The following SCARA5 variants were observed in gnomAD, a reference collection of about 807,000 sequenced individuals.
The protein encoded by SCARA5 is scavenger receptor class A, member 5 (putative).
A neutral mutation model predicts 46.3 loss-of-function variants in SCARA5; 45 were observed. That is an observed-to-expected ratio of 0.97 (90% CI 0.76 to 1.24). SCARA5 has a LOEUF of 1.24. Among genes scored for constraint, SCARA5 ranks in the 50% most tolerant of loss-of-function variants. SCARA5 has a pLI of 0.00. For synonymous variants in SCARA5, 333 were observed against 306.5 expected (o/e 1.09, Z -0.90); for missense variants, 680 against 689.0 (o/e 0.99, Z 0.15).
At chr8:27,936,990 T>G (rs1315219106) in intron 3 of SCARA5, among the ~76,000 whole-genome samples, 2 of 152,208 alleles carry the variant, frequency 1.3e-5, no homozygotes, top group African/African-American at 4.8e-5. Context: ...TATTCCCGGA[T>G]TCCCATTTTG....
intron 2 of SCARA5, among the ~76,000 whole-genome samples, chr8:27,981,613 C>T (rs1808616577): frequency 6.6e-6 from 1 of 152,216 alleles, no homozygotes; most frequent in Non-Finnish European, 1.5e-5. Context: ...GGTCTGAGTT[C>T]ACGCATGCAA....
chr8:27,912,058 G>A (rs926613380), intron 4 of SCARA5, among the ~76,000 whole-genome samples: 2 of 152,114 alleles, frequency 1.3e-5, no homozygotes, highest in Non-Finnish European at 2.9e-5. Context: ...CAGAGGGAAC[G>A]TGGCCCTGTG....
chr8:27,989,497 G>C (rs1034315690), intron 1 of SCARA5, among the ~76,000 whole-genome samples: 3 of 152,176 alleles, frequency 2.0e-5, no homozygotes, highest in African/African-American at 7.2e-5. Flanking sequence ...GAAGAGACCA[G>C]AACTGACCAG....
intron 3 of SCARA5, among the ~76,000 whole-genome samples, chr8:27,927,150 C>T (rs1456636445): frequency 1.3e-5 from 2 of 152,174 alleles, no homozygotes; most frequent in Non-Finnish European, 2.9e-5. Flanking sequence ...CTCCTAGCCC[C>T]TCCTTCCCTC....
chr8:27,930,873 G>A (rs996711050), intron 3 of SCARA5, among the ~76,000 whole-genome samples: 12 of 152,108 alleles, frequency 7.9e-5, no homozygotes, highest in East Asian at 5.8e-4. Context: ...CTAATGACAC[G>A]GAAAGAAGGA....
intron 7 of SCARA5, among the ~76,000 whole-genome samples, chr8:27,885,488 G>A (rs540267146): frequency 7.2e-5 from 11 of 152,236 alleles, no homozygotes; most frequent in South Asian, 2.1e-4. Flanking sequence ...TACAGGGCCC[G>A]GTGCACTGAG....
At chr8:27,988,605 A>G (rs1808740004) in intron 1 of SCARA5, among the ~76,000 whole-genome samples, 2 of 152,226 alleles carry the variant, frequency 1.3e-5, no homozygotes, top group Admixed American at 1.3e-4. Context: ...TGGGTTTTCT[A>G]TGATGCATTT....
rs891423960 is a variant in SCARA5, at chr8:27,885,874, T to C, written c.1154-6108A>G. Among the ~76,000 whole-genome samples the C allele has an allele frequency of 2.4e-4, 36 of 152,018 alleles. 1 individual carries two copies. The highest frequency in any genetic ancestry group is 8.7e-4 in the African/African-American group (36 of 41,364). ...CTGAAATACTGAAATTCCCAAGAGG[T>C]TTCAATGTATATAGAAGTGATAGAA... On this transcript the variant is annotated intron_variant, in intron 7 of 8. Transcript: ENST00000354914.
rs1311705744 is a variant in SCARA5, at chr8:27,875,813, A to G, written c.1352-3743T>C. On this transcript the variant is annotated intron_variant, in intron 8 of 8. Coordinates refer to ENST00000354914, the MANE Select transcript of SCARA5 (RefSeq NM_173833.6). ...AGTTTGAGACCAGCCTGGGCAACAT[A>G]GCAAGACCCTATTTCTCCAAAATAA... is the stretch of plus-strand genomic sequence containing the variant. 4.6e-5 allele frequency among the ~76,000 whole-genome samples: 7 copies of G among 152,186 alleles called. 1 individual carries two copies. Among genetic ancestry groups the G allele is most frequent in the Admixed American group, 3.9e-4 (6 of 15,278 alleles).
intron 7 of SCARA5, among the ~76,000 whole-genome samples, chr8:27,897,520 C>T (rs1215221527): frequency 6.6e-6 from 1 of 152,258 alleles, no homozygotes; most frequent in African/African-American, 2.4e-5. Context: ...TCACCTTCGT[C>T]TGATGTGGGT....
At chr8:27,917,053 G>A (rs749529370) in intron 4 of SCARA5, among the ~76,000 whole-genome samples, 30 of 152,234 alleles carry the variant, frequency 2.0e-4, no homozygotes, top group East Asian at 3.9e-4. Flanking sequence ...AGCTGGTCCC[G>A]AACAGGGCCC....
At chr8:27,899,904 G>A (rs60155260) in intron 7 of SCARA5, among the ~76,000 whole-genome samples, 6,745 of 152,248 alleles carry the variant, frequency 0.044, 203 homozygotes, top group South Asian at 0.098. Context: ...TTGAGAGGCC[G>A]AGGCAGGCAG....
At chr8:27,909,375 T>C (rs1449675347) in intron 5 of SCARA5, among the ~76,000 whole-genome samples, 1 of 152,138 alleles carries the variant, frequency 6.6e-6, no homozygotes, top group Non-Finnish European at 1.5e-5. Flanking sequence ...TCCTTCTGCA[T>C]GCTCTGCTCA....
chr8:27,988,151 G>T (rs1237449694), intron 1 of SCARA5, among the ~76,000 whole-genome samples: 3 of 152,214 alleles, frequency 2.0e-5, no homozygotes, highest in Non-Finnish European at 4.4e-5. Context: ...GAGCAGACCA[G>T]GACTGCTCCC....
chr8:27,880,399 A>AG (rs1806792452), intron 7 of SCARA5, among the ~76,000 whole-genome samples: 1 of 151,912 alleles, frequency 6.6e-6, no homozygotes. Flanking sequence ...CAGGAAAAAA[A>AG]AAAAAAAACC....
intron 3 of SCARA5, among the ~76,000 whole-genome samples, chr8:27,960,729 C>G (rs976717050): frequency 6.6e-6 from 1 of 151,982 alleles, no homozygotes; most frequent in Non-Finnish European, 1.5e-5. Flanking sequence ...CCAGAATGCT[C>G]GAAAGACACA....
intron 3 of SCARA5, among the ~76,000 whole-genome samples, chr8:27,945,114 G>A (rs987601649): frequency 1.3e-5 from 2 of 151,886 alleles, no homozygotes; most frequent in Admixed American, 6.6e-5. Context: ...GCAGTGAGCT[G>A]TGATTGTGCC....
chr8:27,926,841 C>A (rs532510345), intron 3 of SCARA5, among the ~76,000 whole-genome samples: 49 of 152,170 alleles, frequency 3.2e-4, no homozygotes, highest in African/African-American at 1.1e-3. Context: ...GAGCTGGCCA[C>A]GTATTGAGAC....
Position 27,966,475 on chromosome 8 carries a change from A to C in SCARA5, c.180T>G (p.His60Gln). The change falls in exon 3 of 9, where the codon CAT (histidine) becomes CAG (glutamine). Residue 60 changes from histidine to glutamine, a missense_variant. By Grantham distance (24) the His-to-Gln change is conservative. Around this residue, in one of 3 missense-constraint regions of SCARA5, gnomAD observed 438 missense variants for 384.5 expected, o/e 1.14. Transcript: ENST00000354914. ...TQLGSLSALK[H>Q]AVLGLYLLVF... Reference sequence around the variant, plus strand: ...CCAGCAGGTAGAGCCCCAGGACAGCATGCTTCAGGGCCGACAGGGACCCCA... The same window carrying C: ...CCAGCAGGTAGAGCCCCAGGACAGCCTGCTTCAGGGCCGACAGGGACCCCA... 1 of 1,613,992 alleles carries C rather than the reference A, an allele frequency of 6.2e-7. No homozygotes were observed. The highest frequency in any genetic ancestry group is 8.5e-7 in the Non-Finnish European group (1 of 1,179,924).
Sources: allele counts gnomAD v4.1 joint callset (sites outside exome capture counted in the v4.1 genomes callset), GRCh38; gene constraint gnomAD v4.1.1; regional missense constraint gnomAD v4.1.1; transcripts MANE v1.5; gene names NCBI Gene and HGNC (gene_info 2026-07-23, HGNC 2026-07-21).